TGFB2: variants seen among roughly 807,000 people sequenced by gnomAD.
The protein encoded by TGFB2 is transforming growth factor beta-2 proprotein.
A neutral mutation model predicts 42.7 loss-of-function variants in TGFB2; 13 were observed. The observed-to-expected ratio is 0.30, with a 90% CI of 0.20 to 0.48. The LOEUF is 0.48. Among genes scored for constraint, TGFB2 ranks in the 20% least tolerant of loss-of-function variants. The pLI, the probability that TGFB2 is intolerant of heterozygous loss-of-function variation, is 0.99. For missense variants in TGFB2, 390 were observed against 517.5 expected (o/e 0.75, Z 2.39); for synonymous variants, 193 against 193.6 (o/e 1.00, Z 0.03).
rs752478294 is a variant in TGFB2 at position 218,434,150 on chromosome 1, A to G, written c.579A>G (p.Arg193=). ...TCGACAGCAAAGTTGTGAAAACAAGAGCAGAAGGCGAATGGCTCTCCTTCG... is the reference window on the plus strand; with the variant it reads ...TCGACAGCAAAGTTGTGAAAACAAGGGCAGAAGGCGAATGGCTCTCCTTCG... ...RYIDSKVVKT[R]AEGEWLSFDV... is the part of the protein sequence containing the mutation. Residue 193 remains arginine (R), a synonymous_variant, in exon 3 of 7, where the codon AGA becomes AGG. Transcript: ENST00000366930. 1 of 1,614,224 alleles carries G rather than the reference A, an allele frequency of 6.2e-7. No individual in the cohort carries two copies. The highest frequency in any genetic ancestry group is 1.1e-5 in the South Asian group (1 of 91,086).
chr1:218,403,414 T>C (rs1386149883), intron 1 of TGFB2, among the ~76,000 whole-genome samples: 2 of 152,230 alleles, frequency 1.3e-5, no homozygotes, highest in African/African-American at 4.8e-5. Context: ...ATTCAGGCTC[T>C]TAAGATGAGA....
chr1:218,350,121 G>A (rs1231554495), intron 1 of TGFB2, among the ~76,000 whole-genome samples: 4 of 152,138 alleles, frequency 2.6e-5, no homozygotes, highest in African/African-American at 4.8e-5. Context: ...ACTTAGAAAG[G>A]GTGATTCAGT....
Position 218,437,460 on chromosome 1 carries a change from C to T in TGFB2, c.1050C>T (p.Cys350=), listed in dbSNP as rs1211829665. ...GYNANFCAGA[C]PYLWSSDTQH... is the part of the protein sequence containing the mutation. ...ATGCCAACTTCTGTGCTGGAGCATG[C>T]CCGTATTTATGGAGTTCAGACACTC... Residue 350 remains cysteine (C), a synonymous_variant, in exon 6 of 7, where the codon TGC becomes TGT. Transcript: ENST00000366930. 1.9e-6 allele frequency: 3 copies of T among 1,613,138 alleles called. No individual in the cohort carries two copies. The highest frequency in any genetic ancestry group is 2.5e-6 in the Non-Finnish European group (3 of 1,179,644).
intron 2 of TGFB2, among the ~76,000 whole-genome samples, chr1:218,407,347 T>C (rs1658947214): frequency 6.6e-6 from 1 of 152,230 alleles, no homozygotes; most frequent in Non-Finnish European, 1.5e-5. Context: ...CCCAATGTGC[T>C]GGGATTACAG....
intron 1 of TGFB2, among the ~76,000 whole-genome samples, chr1:218,364,731 TG>T (rs1191939392): frequency 3.3e-5 from 5 of 152,196 alleles, no homozygotes; most frequent in African/African-American, 1.2e-4. Flanking sequence ...TGGCCTAAGC[TG>T]GGGTTTCCTC....
intron 2 of TGFB2, among the ~76,000 whole-genome samples, chr1:218,412,552 C>T (rs1412630643): frequency 6.6e-6 from 1 of 152,108 alleles, no homozygotes; most frequent in Non-Finnish European, 1.5e-5. Context: ...TCTGTCCTCC[C>T]CGTTTACCTT....
At chr1:218,376,797 C>A (rs149009919) in intron 1 of TGFB2, among the ~76,000 whole-genome samples, 1 of 152,336 alleles carries the variant, frequency 6.6e-6, no homozygotes, top group East Asian at 1.9e-4. Context: ...CATTTGTACA[C>A]ACTACCCTGC....
At chr1:218,355,761 A>T (rs1657012672) in intron 1 of TGFB2, among the ~76,000 whole-genome samples, 1 of 152,244 alleles carries the variant, frequency 6.6e-6, no homozygotes, top group Admixed American at 6.5e-5. Context: ...CATTGACTTT[A>T]AAATGCACCA....
chr1:218,352,034 T>G (rs1008862119), intron 1 of TGFB2, among the ~76,000 whole-genome samples: 26 of 152,176 alleles, frequency 1.7e-4, no homozygotes, highest in African/African-American at 5.3e-4. Context: ...TGGAGGCTCC[T>G]GGCCCTGGGA....
intron 2 of TGFB2, among the ~76,000 whole-genome samples, chr1:218,422,382 T>C (rs1659485996): frequency 6.6e-6 from 1 of 152,048 alleles, no homozygotes; most frequent in South Asian, 2.1e-4. Flanking sequence ...CATGTCCAGC[T>C]AATTTTTAAA....
At chr1:218,428,373 C>A (rs1318748259) in intron 2 of TGFB2, among the ~76,000 whole-genome samples, 3 of 152,174 alleles carry the variant, frequency 2.0e-5, no homozygotes, top group Non-Finnish European at 4.4e-5. Flanking sequence ...GCTTTTGTTG[C>A]CATTGCTTTT....
Position 218,427,059 on chromosome 1 carries a change from C to T in TGFB2, c.511-7023C>T, listed in dbSNP as rs181305163. ...CTAACTTTTTATCGTATTATTTCTT[C>T]TGTAGCTGTCTCTCTCACACCTAAA... is the stretch of plus-strand genomic sequence containing the variant. On this transcript the variant is annotated intron_variant, in intron 2 of 6. Coordinates refer to ENST00000366930, the MANE Select transcript of TGFB2 (RefSeq NM_003238.6). Among the ~76,000 whole-genome samples, 336 of 152,166 alleles carry T rather than the reference C, an allele frequency of 2.2e-3. 1 individual carries two copies. Among genetic ancestry groups the T allele is most frequent in the African/African-American group, 7.8e-3 (323 of 41,534 alleles).
chr1:218,378,132 T>A lies in TGFB2; in HGVS notation c.347-27037T>A, dbSNP rs192928631. Among the ~76,000 whole-genome samples, 39 of 151,022 alleles carry A rather than the reference T, an allele frequency of 2.6e-4. No homozygotes were observed. The East Asian group carries it at 7.4e-3, about 29-fold the overall frequency. ...CTGGGATTACAGGCCCCTGTCACTA[T>A]GCCTGGCTAATTTTGGATTTATTTA... On this transcript the variant is annotated intron_variant, in intron 1 of 6. Coordinates refer to ENST00000366930, the MANE Select transcript of TGFB2 (RefSeq NM_003238.6).
rs111651629 is a variant in TGFB2 at position 218,345,948 on chromosome 1, C to T, written c.-754C>T. ...AGCTCCCAGAGCAGGATCCGCGCCG[C>T]CTCAGCAGCCTCTGCGGCCCCTGCG... On this transcript the variant is annotated 5_prime_UTR_variant, in exon 1 of 7. Coordinates refer to ENST00000366930, the MANE Select transcript of TGFB2 (RefSeq NM_003238.6). Among the ~76,000 whole-genome samples, 214 of 152,088 alleles carry T rather than the reference C, an allele frequency of 1.4e-3. 1 individual carries two copies. The highest frequency in any genetic ancestry group is 4.8e-3 in the African/African-American group (199 of 41,524).
chr1:218,420,106 G>A (rs1659404895), intron 2 of TGFB2, among the ~76,000 whole-genome samples: 1 of 152,292 alleles, frequency 6.6e-6, no homozygotes, highest in South Asian at 2.1e-4. Context: ...AATTGGAAGG[G>A]GGAGGTCAAA....
intron 1 of TGFB2, among the ~76,000 whole-genome samples, chr1:218,354,079 T>C (rs1421573823): frequency 6.6e-6 from 1 of 152,192 alleles, no homozygotes; most frequent in Non-Finnish European, 1.5e-5. Flanking sequence ...CTGGGCTGTC[T>C]TCTTCATTGG....
At chr1:218,393,267 T>C (rs1375560863) in intron 1 of TGFB2, among the ~76,000 whole-genome samples, 1 of 152,226 alleles carries the variant, frequency 6.6e-6, no homozygotes, top group Non-Finnish European at 1.5e-5. Flanking sequence ...TGTCCAATGC[T>C]GAGCAAGGAT....
At chr1:218,436,304 G>A (rs888728525) in intron 5 of TGFB2, among the ~76,000 whole-genome samples, 157 bp downstream of exon 5, 5 of 152,154 alleles carry the variant, frequency 3.3e-5, no homozygotes, top group African/African-American at 1.2e-4. Context: ...ATTCTTCCCA[G>A]AGGCTTATAT....
chr1:218,408,611 G>A (rs540119789), intron 2 of TGFB2, among the ~76,000 whole-genome samples: 3 of 152,172 alleles, frequency 2.0e-5, no homozygotes, highest in Non-Finnish European at 2.9e-5. Flanking sequence ...TTGAACACCC[G>A]AAGAGAAGAC....
Sources: allele counts gnomAD v4.1 joint callset (sites outside exome capture counted in the v4.1 genomes callset), GRCh38; gene constraint gnomAD v4.1.1; transcripts MANE v1.5; gene names NCBI Gene and HGNC (gene_info 2026-07-23, HGNC 2026-07-21).